Variants in AFAP1L2 observed in about 807,000 individuals in gnomAD.
AFAP1L2 encodes actin filament associated protein 1 like 2, also known as actin filament-associated protein 1-like 2.
A neutral mutation model predicts 99.3 loss-of-function variants in AFAP1L2; 46 were observed. The observed-to-expected ratio is 0.46, with a 90% CI of 0.37 to 0.59. The LOEUF is 0.59. Ranked by LOEUF, AFAP1L2 falls within the 20% of genes least tolerant of loss-of-function variation. AFAP1L2 has a pLI of 0.00. For synonymous variants in AFAP1L2, 397 were observed against 419.1 expected (o/e 0.95, Z 0.64); for missense variants, 959 against 1,034.9 (o/e 0.93, Z 1.01).
intron 1 of AFAP1L2, among the ~76,000 whole-genome samples, chr10:114,394,575 T>C (rs148253355): frequency 5.5e-5 from 8 of 146,666 alleles, no homozygotes; most frequent in African/African-American, 1.8e-4. Context: ...AGAAACAGAG[T>C]GAAAAAGTGG....
At chr10:114,378,084 A>T (rs2055041483) in intron 1 of AFAP1L2, among the ~76,000 whole-genome samples, 1 of 152,210 alleles carries the variant, frequency 6.6e-6, no homozygotes, top group Non-Finnish European at 1.5e-5. Context: ...GGTACCAATC[A>T]CCAGGTGTTC....
At chr10:114,361,387 C>T (rs978826692) in intron 1 of AFAP1L2, among the ~76,000 whole-genome samples, 2 of 152,190 alleles carry the variant, frequency 1.3e-5, no homozygotes, top group Non-Finnish European at 2.9e-5. Context: ...TCCTGTAATG[C>T]CTTAACCTAT....
chr10:114,338,366 A>C (rs1237579734), intron 2 of AFAP1L2, among the ~76,000 whole-genome samples: 1 of 152,236 alleles, frequency 6.6e-6, no homozygotes, highest in Admixed American at 6.5e-5. Context: ...TCCAGTTCTC[A>C]AACATCTGAC....
chr10:114,296,807 C>A, intron 18 of AFAP1L2, 171 bp downstream of exon 18: 1 of 1,121,900 alleles, frequency 8.9e-7, no homozygotes, highest in Non-Finnish European at 1.3e-6. Context: ...TTGGTCAGTG[C>A]CAGAGACTGA....
intron 4 of AFAP1L2, among the ~76,000 whole-genome samples, chr10:114,329,928 A>T (rs1456614370): frequency 6.6e-6 from 1 of 152,172 alleles, no homozygotes; most frequent in Non-Finnish European, 1.5e-5. Context: ...AGTGACAAAA[A>T]TACCCATCCC....
In AFAP1L2 at chr10:114,359,345, GC is replaced by G. The variant is rs1025735224; in HGVS notation, c.17-18615del. On this transcript the variant is annotated intron_variant, in intron 1 of 18. Transcript: ENST00000304129. ...GGCTATATGACTTCTGATAAAGTTA[GC>G]TAATAAGAAAACAAATCCACCACTC... Among the ~76,000 whole-genome samples, 8 of 152,316 alleles carry G rather than the reference GC, an allele frequency of 5.3e-5. No individual in the cohort carries two copies. The South Asian group carries it at 1.2e-3, about 24-fold the overall frequency.
chr10:114,384,719 C>G (rs541240105), intron 1 of AFAP1L2, among the ~76,000 whole-genome samples: 139 of 152,328 alleles, frequency 9.1e-4, no homozygotes, highest in African/African-American at 3.1e-3. Context: ...GAGAGAGGTA[C>G]AGCCACAGCC....
intron 1 of AFAP1L2, among the ~76,000 whole-genome samples, chr10:114,367,130 C>G (rs1023087732): frequency 2.0e-5 from 3 of 152,200 alleles, no homozygotes; most frequent in African/African-American, 7.2e-5. Context: ...TGAAGGCTAA[C>G]ACATCGCTTA....
intron 10 of AFAP1L2, among the ~76,000 whole-genome samples, chr10:114,307,040 C>A (rs1390984214): frequency 6.6e-6 from 1 of 152,086 alleles, no homozygotes; most frequent in Non-Finnish European, 1.5e-5. Context: ...GGAAGGATGA[C>A]CCCCAATGTG....
rs371878604 is a variant in AFAP1L2, at chr10:114,300,484, A to C, written c.1749T>G (p.Asp583Glu). 7.4e-6 allele frequency: 12 copies of C among 1,613,960 alleles called. No homozygotes were observed. The highest frequency in any genetic ancestry group is 1.0e-5 in the Non-Finnish European group (12 of 1,179,974). ...PADSGPGPTPDEPCIKCPENL... is the reference protein window; with the variant it reads ...PADSGPGPTPEEPCIKCPENL... ...TCTCTGGACACTTTATGCAGGGCTC[A>C]TCTGGGGTGGGACCTGGGCCTGAGT... Residue 583 changes from aspartate (D) to glutamate (E), a missense_variant, in exon 14 of 19, where the codon GAT (aspartate) becomes GAG (glutamate). Coordinates refer to ENST00000304129, the MANE Select transcript of AFAP1L2 (RefSeq NM_001001936.3).
intron 1 of AFAP1L2, among the ~76,000 whole-genome samples, chr10:114,388,173 G>C (rs1175588581): frequency 9.2e-5 from 14 of 152,110 alleles, no homozygotes. Context: ...CACTCAGATG[G>C]GTGGCGGGGA....
At chr10:114,305,913 C>T (rs1381807346) in intron 10 of AFAP1L2, among the ~76,000 whole-genome samples, 7 of 66,968 alleles carry the variant, frequency 1.0e-4, no homozygotes, top group East Asian at 4.7e-4. Context: ...CAGGAGGGGA[C>T]ACAGGTGCAG....
intron 11 of AFAP1L2, among the ~76,000 whole-genome samples, chr10:114,304,111 C>T (rs1467262504): frequency 1.3e-5 from 2 of 152,166 alleles, no homozygotes; most frequent in Non-Finnish European, 2.9e-5. Context: ...GTGGGTCTTT[C>T]AGCCACCAGA....
rs201440025 is a variant in AFAP1L2, at chr10:114,297,076, C to A, written c.2332G>T (p.Ala778Ser). Reference protein sequence around the residue: ...PRPKAVTPASAPDCTPVNSAT... With the variant: ...PRPKAVTPASSPDCTPVNSAT... ...GAGTTGACTGGGGTACAGTCTGGGG[C>A]AGAGGCAGGTGTGACAGCTTTGGGC... The change falls in exon 18 of 19, where the codon GCC becomes TCC. Residue 778 changes from alanine to serine, a missense_variant. Ala to Ser is a moderately conservative substitution (Grantham distance 99). Around this residue, in one of 2 missense-constraint regions of AFAP1L2, gnomAD observed 576 missense variants for 562.1 expected, o/e 1.02. Coordinates refer to ENST00000304129, the MANE Select transcript of AFAP1L2 (RefSeq NM_001001936.3). 1 of 1,614,112 alleles carries A rather than the reference C, an allele frequency of 6.2e-7. No homozygotes were observed. The highest frequency in any genetic ancestry group is 8.5e-7 in the Non-Finnish European group (1 of 1,180,000).
the AFAP1L2 span, among the ~76,000 whole-genome samples, chr10:114,283,217 G>C: frequency 6.6e-6 from 1 of 152,134 alleles, no homozygotes; most frequent in African/African-American, 2.4e-5. Flanking sequence ...CCGATGAGTA[G>C]CCTGTCTCCC....
chr10:114,340,082 G>A lies in AFAP1L2; in HGVS notation c.145+521C>T, dbSNP rs2048581966. On this transcript the variant is annotated intron_variant, in intron 2 of 18. Coordinates refer to ENST00000304129, the MANE Select transcript of AFAP1L2 (RefSeq NM_001001936.3). ...ATGGTGGCTCACGCCTGTAATCCCA[G>A]CACTTTGAGGGGCCCAGGCAGGGCG... Among the ~76,000 whole-genome samples the A allele has an allele frequency of 3.3e-5, 5 of 150,160 alleles. No individual in the cohort carries two copies. In the Middle Eastern group the frequency reaches 0.011, roughly 317 times the overall value.
Position 114,313,451 on chromosome 10 carries a change from C to T in AFAP1L2, c.792+420G>A, listed in dbSNP as rs75398802. Among the ~76,000 whole-genome samples, 382 of 152,288 alleles carry T rather than the reference C, an allele frequency of 2.5e-3. 8 individuals carry two copies. The highest frequency in any genetic ancestry group is 0.019 in the Admixed American group (290 of 15,302). ...TTGGCAGACGACTTTGATCCATCAC[C>T]TCCATCCTTTGAGCCTTAATCACCA... On this transcript the variant is annotated intron_variant, in intron 7 of 18. Coordinates refer to ENST00000304129, the MANE Select transcript of AFAP1L2 (RefSeq NM_001001936.3).
chr10:114,368,113 G>C (rs1318435539), intron 1 of AFAP1L2, among the ~76,000 whole-genome samples: 1 of 152,200 alleles, frequency 6.6e-6, no homozygotes, highest in African/African-American at 2.4e-5. Flanking sequence ...ATACACAATG[G>C]AATATTATTC....
chr10:114,360,485 C>CTAGATAGATAGATAGA (rs367617609), intron 1 of AFAP1L2, among the ~76,000 whole-genome samples: 343 of 124,458 alleles, frequency 2.8e-3, no homozygotes, highest in African/African-American at 5.7e-3. Flanking sequence ...ATCTCAATAT[C>CTAGATAGATAGATAGA]TAGATAGATA....
Sources: gnomAD v4.1 joint callset for allele counts (sites outside exome capture counted in the v4.1 genomes callset) on GRCh38, gnomAD v4.1.1 for gene constraint, gnomAD v4.1.1 regional missense constraint, MANE v1.5 for transcripts, NCBI Gene and HGNC (gene_info 2026-07-23, HGNC 2026-07-21) for gene names.